Variants in UBE2E2 observed in about 807,000 individuals in gnomAD.
UBE2E2 encodes the protein ubiquitin conjugating enzyme E2 E2, also known as ubiquitin-conjugating enzyme E2 E2.
A neutral mutation model predicts 24.7 loss-of-function variants in UBE2E2; 6 were observed. The ratio of observed to expected loss-of-function variants is 0.24; its 90% confidence interval spans 0.13 to 0.48. The LOEUF is 0.48. UBE2E2 is among the 20% of genes least tolerant of loss of function. The pLI, the probability that UBE2E2 is intolerant of heterozygous loss-of-function variation, is 0.99. For synonymous variants in UBE2E2, 104 were observed against 83.6 expected (o/e 1.24, Z -1.33); for missense variants, 169 against 245.0 (o/e 0.69, Z 2.07).
intron 3 of UBE2E2, among the ~76,000 whole-genome samples, chr3:23,263,480 T>C (rs1453660765): frequency 6.6e-6 from 1 of 152,230 alleles, no homozygotes; most frequent in African/African-American, 2.4e-5. Flanking sequence ...AGTGATAGGC[T>C]AACAGATTCA....
intron 2 of UBE2E2, among the ~76,000 whole-genome samples, chr3:23,209,286 G>A (rs1298933586): frequency 6.6e-6 from 1 of 152,132 alleles, no homozygotes; most frequent in Non-Finnish European, 1.5e-5. Context: ...ACTCCCAGTT[G>A]GTAAAGTCAG....
intron 3 of UBE2E2, among the ~76,000 whole-genome samples, chr3:23,374,976 AT>A (rs1696485581): frequency 6.6e-6 from 1 of 152,104 alleles, no homozygotes; most frequent in Non-Finnish European, 1.5e-5. Context: ...TAATTATTAC[AT>A]ACCTTAAAAG....
At chr3:23,569,959 A>G (rs1696184559) in intron 5 of UBE2E2, among the ~76,000 whole-genome samples, 2 of 152,128 alleles carry the variant, frequency 1.3e-5, no homozygotes, top group Admixed American at 6.6e-5. Context: ...GCCTTAGGCT[A>G]TGTTTTGTGG....
Position 23,474,471 on chromosome 3 carries a change from C to CATTTCTAATAATCT in UBE2E2, c.228-25134_228-25121dup, listed in dbSNP as rs1370097836. On this transcript the variant is annotated intron_variant, in intron 3 of 5. Transcript: ENST00000396703. This position sits in a 1 kb window ranked among gnomAD's most constrained non-coding sequence, Gnocchi z 4.0. ...TCAGACACAAATACACGTTATTGTACATTTCTAATAATCTATCACAAAAAA... is the reference window on the plus strand; with the variant it reads ...TCAGACACAAATACACGTTATTGTACATTTCTAATAATCTATTTCTAATAATCTATCACAAAAAA... 6.6e-6 allele frequency among the ~76,000 whole-genome samples: 1 copy of CATTTCTAATAATCT among 152,046 alleles called. No individual in the cohort carries two copies. The highest frequency in any genetic ancestry group is 1.5e-5 in the Non-Finnish European group (1 of 68,032).
chr3:23,343,773 A>G (rs933469137), intron 3 of UBE2E2, among the ~76,000 whole-genome samples: 1 of 152,096 alleles, frequency 6.6e-6, no homozygotes, highest in African/African-American at 2.4e-5. Context: ...ACCATTGATA[A>G]GTTTTGACTG....
chr3:23,421,823 CATT>C (rs753712102), intron 3 of UBE2E2, among the ~76,000 whole-genome samples: 11 of 152,246 alleles, frequency 7.2e-5, no homozygotes, highest in Non-Finnish European at 1.2e-4. Context: ...GAATAAGAGT[CATT>C]AGAGACTCAG....
At chr3:23,415,676 A>G (rs1697606385) in intron 3 of UBE2E2, among the ~76,000 whole-genome samples, 1 of 152,132 alleles carries the variant, frequency 6.6e-6, no homozygotes, top group African/African-American at 2.4e-5. Context: ...ATGGTTTGGA[A>G]TTTGCTGACT....
At chr3:23,269,490 G>A (rs1468816399) in intron 3 of UBE2E2, among the ~76,000 whole-genome samples, 4 of 152,212 alleles carry the variant, frequency 2.6e-5, no homozygotes, top group Non-Finnish European at 5.9e-5. Flanking sequence ...GACTGTGTTA[G>A]CTGGGAAGGA....
chr3:23,503,474 G>A (rs1161573343), intron 4 of UBE2E2, among the ~76,000 whole-genome samples: 1 of 152,024 alleles, frequency 6.6e-6, no homozygotes, highest in Non-Finnish European at 1.5e-5. Flanking sequence ...ACAACCGTGA[G>A]CCACCACGCC....
At chr3:23,301,892 C>A (rs1285334612) in intron 3 of UBE2E2, among the ~76,000 whole-genome samples, 1 of 140,618 alleles carries the variant, frequency 7.1e-6, no homozygotes, top group Admixed American at 6.7e-5. Flanking sequence ...ATTCGGCCAT[C>A]TTGGCTCCTC....
At chr3:23,402,617 T>G (rs1697253898) in intron 3 of UBE2E2, among the ~76,000 whole-genome samples, 1 of 152,210 alleles carries the variant, frequency 6.6e-6, no homozygotes, top group South Asian at 2.1e-4. Context: ...CACCTTTTAT[T>G]AGGTATTTAG....
At chr3:23,275,167 C>A (rs543960850) in intron 3 of UBE2E2, among the ~76,000 whole-genome samples, 1 of 152,044 alleles carries the variant, frequency 6.6e-6, no homozygotes, top group Non-Finnish European at 1.5e-5. Flanking sequence ...AATTTAATTG[C>A]GTTGTGGGAA....
At chr3:23,278,634 A>G (rs1050474856) in intron 3 of UBE2E2, among the ~76,000 whole-genome samples, 1 of 152,140 alleles carries the variant, frequency 6.6e-6, no homozygotes, top group Non-Finnish European at 1.5e-5. Context: ...GTGGGTCCAC[A>G]GAAGTATTTG....
At chr3:23,382,139 A>C (rs1696684503) in intron 3 of UBE2E2, among the ~76,000 whole-genome samples, 1 of 151,460 alleles carries the variant, frequency 6.6e-6, no homozygotes, top group Non-Finnish European at 1.5e-5. Context: ...CAACAAACTA[A>C]GGTGATTTAC....
chr3:23,331,792 A>T (rs1213344589), intron 3 of UBE2E2, among the ~76,000 whole-genome samples: 1 of 152,212 alleles, frequency 6.6e-6, no homozygotes, highest in East Asian at 1.9e-4. Flanking sequence ...ACTTTGGTTT[A>T]TGTGAGATGA....
intron 2 of UBE2E2, among the ~76,000 whole-genome samples, chr3:23,213,218 T>G (rs1696377975): frequency 6.6e-6 from 1 of 152,160 alleles, no homozygotes; most frequent in Non-Finnish European, 1.5e-5. Context: ...TGAATTTTCT[T>G]TAACTCAAGA....
At chr3:23,246,545 A>C (rs1007539473) in intron 3 of UBE2E2, among the ~76,000 whole-genome samples, 10 of 151,544 alleles carry the variant, frequency 6.6e-5, no homozygotes, top group Non-Finnish European at 1.0e-4. Context: ...ATGCCTGGCT[A>C]ATTTTTTTAA....
chr3:23,279,622 T>C (rs9848389), intron 3 of UBE2E2, among the ~76,000 whole-genome samples: 128,097 of 152,174 alleles, frequency 0.84, 54,030 homozygotes, highest in African/African-American at 0.9. Context: ...TGTAAGCCAG[T>C]TGGAACCAGC....
chr3:23,251,443 G>A (rs377750218), intron 3 of UBE2E2, among the ~76,000 whole-genome samples: 4 of 152,064 alleles, frequency 2.6e-5, no homozygotes, highest in Non-Finnish European at 4.4e-5. Flanking sequence ...ATTTACATTC[G>A]AATCATCATC....
Sources: gnomAD v4.1 joint callset for allele counts (sites outside exome capture counted in the v4.1 genomes callset) on GRCh38, gnomAD v4.1.1 for gene constraint, Gnocchi (gnomAD v3.1) non-coding constraint, MANE v1.5 for transcripts, NCBI Gene and HGNC (gene_info 2026-07-23, HGNC 2026-07-21) for gene names.